CCDC91: variants seen among roughly 807,000 people sequenced by gnomAD.
CCDC91 encodes the protein coiled-coil domain containing 91, also known as coiled-coil domain-containing protein 91.
CCDC91 carries 48 observed loss-of-function variants against 63.2 expected under a neutral mutation model. That is an observed-to-expected ratio of 0.76 (90% confidence interval 0.60 to 0.97). The LOEUF (loss-of-function observed/expected upper bound fraction) is 0.97, where lower values mean the gene tolerates loss of function less well. CCDC91 is among the 50% of genes least tolerant of loss of function. The pLI is 0.00. For synonymous variants in CCDC91, 167 were observed against 165.8 expected, an observed-to-expected ratio of 1.01 and a Z score of -0.06; for missense variants, 500 against 494.6, an observed-to-expected ratio of 1.01 and a Z score of -0.10.
chr12:28,502,612 C>T (rs2141152596), intron 12 of CCDC91, among the ~76,000 whole-genome samples: 1 of 150,384 alleles, frequency 6.6e-6, no homozygotes, highest in African/African-American at 2.4e-5. Flanking sequence ...CAAAAAAGAG[C>T]CCACATTGCC....
chr12:28,209,042 A>C (rs777052585), intron 1 of CCDC91, among the ~76,000 whole-genome samples: 13 of 151,762 alleles, frequency 8.6e-5, no homozygotes, highest in Non-Finnish European at 1.8e-4. Flanking sequence ...TCCTGACCTC[A>C]TGATCTGCCT....
intron 3 of CCDC91, among the ~76,000 whole-genome samples, chr12:28,283,342 A>G (rs1319773785): frequency 2.6e-5 from 4 of 151,780 alleles, no homozygotes; most frequent in Admixed American, 2.6e-4. Context: ...CTATCCATGA[A>G]TATGGTATGT....
intron 1 of CCDC91, among the ~76,000 whole-genome samples, chr12:28,220,645 T>C (rs1943875441): frequency 6.6e-6 from 1 of 152,018 alleles, no homozygotes; most frequent in Non-Finnish European, 1.5e-5. Context: ...ATAATTCTCT[T>C]ACCCTTTGTT....
At chr12:28,506,023 T>C (rs1938667749) in intron 12 of CCDC91, among the ~76,000 whole-genome samples, 1 of 152,024 alleles carries the variant, frequency 6.6e-6, no homozygotes, top group Non-Finnish European at 1.5e-5. Context: ...TGATTACACA[T>C]ATTTCTGGAA....
chr12:28,441,313 A>G (rs1282809305), intron 8 of CCDC91, among the ~76,000 whole-genome samples: 2 of 151,978 alleles, frequency 1.3e-5, no homozygotes, highest in African/African-American at 2.4e-5. Context: ...CATTTTGGAA[A>G]AAGATTTGAC....
chr12:28,256,513 A>G (rs893669482), intron 1 of CCDC91, among the ~76,000 whole-genome samples: 5 of 151,942 alleles, frequency 3.3e-5, no homozygotes, highest in African/African-American at 7.3e-5. Flanking sequence ...AAAAGCAAAT[A>G]ATATTTGAGT....
intron 8 of CCDC91, among the ~76,000 whole-genome samples, chr12:28,402,403 ATG>A (rs892210427): frequency 1.3e-5 from 2 of 152,028 alleles, no homozygotes; most frequent in African/African-American, 2.4e-5. Context: ...CTAAATGTTA[ATG>A]TGTTTTAAAT....
At chr12:28,329,690 A>G (rs918090665) in intron 6 of CCDC91, among the ~76,000 whole-genome samples, 2 of 152,102 alleles carry the variant, frequency 1.3e-5, no homozygotes, top group African/African-American at 4.8e-5. Flanking sequence ...ATAGGTATAC[A>G]CGTGCCATGT....
intron 3 of CCDC91, chr12:28,302,616 G>T (rs1196672709): frequency 2.0e-6 from 2 of 983,438 alleles, no homozygotes; most frequent in African/African-American, 3.5e-5. Flanking sequence ...TGACGGGGCA[G>T]AGTCAGGGAA....
intron 11 of CCDC91, among the ~76,000 whole-genome samples, chr12:28,476,241 A>C (rs1195350643): frequency 6.6e-6 from 1 of 152,156 alleles, no homozygotes; most frequent in African/African-American, 2.4e-5. Context: ...CTCCTCGGCA[A>C]ATGCAAAAGA....
chr12:28,509,221 G>C (rs1204657180), intron 12 of CCDC91, among the ~76,000 whole-genome samples: 1 of 151,884 alleles, frequency 6.6e-6, no homozygotes, highest in Non-Finnish European at 1.5e-5. Flanking sequence ...CACAGGTTCT[G>C]TCTCCTCTTG....
chr12:28,528,082 C>T (rs376581791), intron 12 of CCDC91, among the ~76,000 whole-genome samples: 14 of 152,182 alleles, frequency 9.2e-5, no homozygotes, highest in South Asian at 2.1e-4. Context: ...GGAGTCTGCA[C>T]GCTGGATTCA....
intron 8 of CCDC91, among the ~76,000 whole-genome samples, chr12:28,446,307 T>A (rs1305135665): frequency 2.0e-5 from 3 of 152,202 alleles, no homozygotes; most frequent in Non-Finnish European, 4.4e-5. Context: ...TGAAGCTTAC[T>A]CACATACACA....
intron 7 of CCDC91, among the ~76,000 whole-genome samples, chr12:28,378,166 G>GTA (rs1945064629): frequency 6.6e-6 from 1 of 152,040 alleles, no homozygotes; most frequent in Non-Finnish European, 1.5e-5. Context: ...AAAATTCTCA[G>GTA]TATACTAATT....
At chr12:28,415,614 T>G (rs957694643) in intron 8 of CCDC91, among the ~76,000 whole-genome samples, 1 of 152,140 alleles carries the variant, frequency 6.6e-6, no homozygotes, top group African/African-American at 2.4e-5. Context: ...GAAATTTTTT[T>G]GTAATATTGA....
intron 8 of CCDC91, among the ~76,000 whole-genome samples, chr12:28,441,279 C>G (rs1592683431): frequency 6.6e-6 from 1 of 151,838 alleles, no homozygotes; most frequent in African/African-American, 2.4e-5. Flanking sequence ...AATAGGAACT[C>G]TCATACATTA....
At chr12:28,274,728 A>C (rs1948070431) in intron 3 of CCDC91, among the ~76,000 whole-genome samples, 1 of 152,122 alleles carries the variant, frequency 6.6e-6, no homozygotes, top group Non-Finnish European at 1.5e-5. Context: ...CTATCAGCTT[A>C]AGGAGATTTT....
At chr12:28,325,746 T>C (rs1432986653) in intron 6 of CCDC91, among the ~76,000 whole-genome samples, 1 of 151,666 alleles carries the variant, frequency 6.6e-6, no homozygotes, top group Non-Finnish European at 1.5e-5. Context: ...TGAAGCAGAA[T>C]GAATGAGGGG....
chr12:28,254,292 G>T (rs182014678), intron 1 of CCDC91, among the ~76,000 whole-genome samples: 284 of 152,150 alleles, frequency 1.9e-3, no homozygotes, highest in Non-Finnish European at 3.5e-3. Context: ...TTACACAAAA[G>T]AATGAATTAT....
Sources: allele counts gnomAD v4.1 joint callset (sites outside exome capture counted in the v4.1 genomes callset), GRCh38; gene constraint gnomAD v4.1.1; transcripts MANE v1.5; gene names NCBI Gene and HGNC (gene_info 2026-07-23, HGNC 2026-07-21).